Variants in COTL1 observed in about 807,000 individuals in gnomAD.
COTL1 encodes coactosin-like protein.
In COTL1, 15 loss-of-function variants were observed where a neutral mutation model predicts 16.5. That is an observed-to-expected ratio of 0.91 (90% confidence interval 0.61 to 1.40). The LOEUF (loss-of-function observed/expected upper bound fraction) is 1.40, where lower values mean the gene tolerates loss of function less well. Among genes scored for constraint, COTL1 ranks in the 40% most tolerant of loss-of-function variants. COTL1 has a pLI of 0.00. For missense variants in COTL1, 220 were observed against 201.5 expected (o/e 1.09, Z -0.56); for synonymous variants, 112 against 85.3 (o/e 1.31, Z -1.73).
At chr16:84,608,846 A>C (rs1233979569) in intron 2 of COTL1, among the ~76,000 whole-genome samples, 1 of 152,214 alleles carries the variant, frequency 6.6e-6, no homozygotes, top group Non-Finnish European at 1.5e-5. Context: ...CAGAGGTTGC[A>C]GTGAGCCAAG....
intron 3 of COTL1, among the ~76,000 whole-genome samples, chr16:84,573,609 T>C (rs1264267808): frequency 6.6e-6 from 1 of 151,996 alleles, no homozygotes; most frequent in Non-Finnish European, 1.5e-5. Flanking sequence ...ACCCCATCTC[T>C]ACTAAAAATA....
intron 3 of COTL1, among the ~76,000 whole-genome samples, chr16:84,586,312 A>T (rs527287536): frequency 6.6e-6 from 1 of 152,210 alleles, no homozygotes; most frequent in Non-Finnish European, 1.5e-5. Flanking sequence ...TGAGCTTGCA[A>T]ACGTAAGAAT....
intron 3 of COTL1, among the ~76,000 whole-genome samples, chr16:84,589,752 C>T (rs943434026): frequency 3.9e-5 from 6 of 152,090 alleles, no homozygotes; most frequent in Admixed American, 1.3e-4. Context: ...TTGCGACCAC[C>T]GCCGACAGTC....
intron 2 of COTL1, chr16:84,595,875 TTGTGTATGTGTGTTATATATACATGTA>T (rs1904992248): frequency 6.6e-6 from 1 of 150,464 alleles, no homozygotes; most frequent in East Asian, 1.9e-4. Context: ...ATTCATGTAT[TTGTGTATGTGTGTTATATATACATGTA>T]TGTGTATGTG....
chr16:84,587,230 T>C lies in COTL1; in HGVS notation c.318+2875A>G, dbSNP rs58250678. Among the ~76,000 whole-genome samples, 31 of 152,312 alleles carry C rather than the reference T, an allele frequency of 2.0e-4. No individual in the cohort carries two copies. In the East Asian group the frequency reaches 4.4e-3, roughly 22 times the overall value. ...AGGCCAGACAGGGTGCAGACAGCAG[T>C]GTCAACCAGGAACGCTGACTACATG... On this transcript the variant is annotated intron_variant, in intron 3 of 3. Coordinates refer to ENST00000262428, the MANE Select transcript of COTL1 (RefSeq NM_021149.5).
At chr16:84,591,335 C>T (rs1463371843) in intron 2 of COTL1, among the ~76,000 whole-genome samples, 1 of 151,804 alleles carries the variant, frequency 6.6e-6, no homozygotes, top group Non-Finnish European at 1.5e-5. Flanking sequence ...AGGCGCCCAC[C>T]ACCACACCTG....
intron 3 of COTL1, among the ~76,000 whole-genome samples, chr16:84,573,006 G>A (rs566329599): frequency 9.9e-5 from 15 of 152,044 alleles, no homozygotes; most frequent in Admixed American, 2.0e-4. Context: ...CACTGACCTC[G>A]GCCTCCCAAA....
intron 2 of COTL1, chr16:84,594,859 C>G (rs28600279): frequency 0.18 from 26,866 of 152,928 alleles, 2,387 homozygotes; most frequent in African/African-American, 0.22. Context: ...CGCCCCCTCC[C>G]ACGGCTCTGG....
At chr16:84,578,763 A>G (rs905626701) in intron 3 of COTL1, among the ~76,000 whole-genome samples, 14 of 152,028 alleles carry the variant, frequency 9.2e-5, no homozygotes, top group Non-Finnish European at 1.9e-4. Context: ...ACATGCACAT[A>G]CAGGCATGTG....
intron 3 of COTL1, among the ~76,000 whole-genome samples, chr16:84,577,646 C>T (rs1056901145): frequency 6.6e-6 from 1 of 152,190 alleles, no homozygotes; most frequent in Non-Finnish European, 1.5e-5. Context: ...GGAACAAAGG[C>T]ACCTGTGTCA....
chr16:84,578,476 A>C (rs1335235817), intron 3 of COTL1, among the ~76,000 whole-genome samples: 2 of 152,222 alleles, frequency 1.3e-5, no homozygotes, highest in Non-Finnish European at 2.9e-5. Flanking sequence ...ATTATCATAC[A>C]CATTTTTCAG....
intron 3 of COTL1, among the ~76,000 whole-genome samples, chr16:84,575,064 T>G (rs574456230): frequency 3.2e-4 from 48 of 152,166 alleles, no homozygotes; most frequent in Non-Finnish European, 7.1e-4. Flanking sequence ...GAGATGAAGT[T>G]TTTGTTCTTG....
In COTL1 at chr16:84,617,985, G is replaced by T; in HGVS notation, c.-71C>A. ...CCCCTGGCCGGCGGCGGGGATGGGA[G>T]CGCGGCGGGTACGCGCCGAGGGCGC... On this transcript the variant is annotated 5_prime_UTR_variant, in exon 1 of 4. Coordinates refer to ENST00000262428, the MANE Select transcript of COTL1 (RefSeq NM_021149.5). The T allele has an allele frequency of 8.6e-7, 1 of 1,169,588 alleles. No homozygotes were observed. The highest frequency in any genetic ancestry group is 1.1e-6 in the Non-Finnish European group (1 of 895,970). The allele number at this position is 1,169,588 out of a possible 1,614,324, so 72.5% of individuals were successfully genotyped here.
At chr16:84,604,854 C>G (rs1256571754) in intron 2 of COTL1, among the ~76,000 whole-genome samples, 2 of 152,236 alleles carry the variant, frequency 1.3e-5, no homozygotes, top group African/African-American at 2.4e-5. Context: ...TATTTGCAAG[C>G]CATGAACAAT....
intron 3 of COTL1, among the ~76,000 whole-genome samples, chr16:84,578,628 C>T (rs1448446181): frequency 2.0e-5 from 3 of 151,768 alleles, no homozygotes; most frequent in Non-Finnish European, 4.4e-5. Flanking sequence ...CCAACACACA[C>T]ACACGCAGGC....
At chr16:84,570,471 T>C (rs754718216) in intron 3 of COTL1, among the ~76,000 whole-genome samples, 5 of 130,750 alleles carry the variant, frequency 3.8e-5, no homozygotes, top group Non-Finnish European at 8.3e-5. Context: ...AAAAATGCTA[T>C]GTTTCAAACT....
At chr16:84,591,857 T>TAAA (rs1567535660) in intron 2 of COTL1, among the ~76,000 whole-genome samples, 1 of 137,508 alleles carries the variant, frequency 7.3e-6, no homozygotes, top group Non-Finnish European at 1.5e-5. Context: ...TAAAATAAAA[T>TAAA]AAAATAAAAT....
chr16:84,614,447 T>G (rs1597188580), intron 2 of COTL1, among the ~76,000 whole-genome samples: 1 of 133,594 alleles, frequency 7.5e-6, no homozygotes, highest in Non-Finnish European at 1.6e-5. Context: ...TGGGAAGAAA[T>G]GAGGAGGGGA....
In COTL1 at chr16:84,590,258, G is replaced by C. The variant is rs41291694; in HGVS notation, c.165C>G (p.Asp55Glu). 6.2e-7 allele frequency: 1 copy of C among 1,613,548 alleles called. No individual in the cohort carries two copies. The highest frequency in any genetic ancestry group is 1.3e-5 in the African/African-American group (1 of 74,924). Residue 55 changes from aspartate to glutamate, a missense_variant, in exon 3 of 4, where the codon GAC (aspartate) becomes GAG (glutamate). Transcript: ENST00000262428. The surrounding 1 kb of genome is among the most constrained non-coding windows in gnomAD (Gnocchi z 5.5). ...YQHFIQQCTD[D>E]VRLFAFVRFT... is the part of the protein sequence containing the mutation. ...AGCGCACGAAGGCAAACAACCGGACGTCATCTGTGGCCAAAAGCGAAAAGA... is the reference window on the plus strand; with the variant it reads ...AGCGCACGAAGGCAAACAACCGGACCTCATCTGTGGCCAAAAGCGAAAAGA...
Sources: allele counts gnomAD v4.1 joint callset (sites outside exome capture counted in the v4.1 genomes callset), GRCh38; gene constraint gnomAD v4.1.1; non-coding constraint Gnocchi (gnomAD v3.1); transcripts MANE v1.5; gene names NCBI Gene and HGNC (gene_info 2026-07-23, HGNC 2026-07-21).